Variants in GAB2 observed in about 807,000 individuals in gnomAD.
The protein encoded by GAB2 is GRB2 associated binding protein 2, also known as GRB2-associated-binding protein 2.
Under a neutral mutation model 65.5 loss-of-function variants are expected in GAB2, and 26 were observed. That is an observed-to-expected ratio of 0.40 (90% CI 0.29 to 0.55). The LOEUF is 0.55. GAB2 is among the 20% of genes least tolerant of loss of function. The probability of loss-of-function intolerance (pLI) is 0.53; values close to 1 mark genes in which losing one functional copy is unlikely to be tolerated. For missense variants in GAB2, 884 were observed against 875.8 expected, an observed-to-expected ratio of 1.01 and a Z score of -0.12; for synonymous variants, 321 against 329.6, an observed-to-expected ratio of 0.97 and a Z score of 0.28.
intron 1 of GAB2, among the ~76,000 whole-genome samples, chr11:78,327,616 G>T (rs1471415568): frequency 6.6e-6 from 1 of 152,242 alleles, no homozygotes; most frequent in South Asian, 2.1e-4. Flanking sequence ...GAAAACATGA[G>T]AATGAAAAGG....
At chr11:78,251,296 T>C (rs1865448806) in intron 2 of GAB2, among the ~76,000 whole-genome samples, 2 of 152,286 alleles carry the variant, frequency 1.3e-5, no homozygotes, top group African/African-American at 4.8e-5. Context: ...CTCCAGCTGC[T>C]CCTGCCTGGC....
At chr11:78,241,575 T>C (rs1865135921) in intron 3 of GAB2, among the ~76,000 whole-genome samples, 1 of 149,464 alleles carries the variant, frequency 6.7e-6, no homozygotes, top group Non-Finnish European at 1.5e-5. Flanking sequence ...GGAAAAAGAA[T>C]TCACAATATG....
At chr11:78,363,033 A>G (rs1419774059) in intron 1 of GAB2, among the ~76,000 whole-genome samples, 9 of 152,204 alleles carry the variant, frequency 5.9e-5, no homozygotes, top group Admixed American at 5.9e-4. Flanking sequence ...AGATTTTTAA[A>G]CAACCTCCCA....
intron 3 of GAB2, among the ~76,000 whole-genome samples, chr11:78,230,445 G>GT (rs1790527976): frequency 6.6e-6 from 1 of 152,158 alleles, no homozygotes; most frequent in African/African-American, 2.4e-5. Flanking sequence ...CTCTACAAAG[G>GT]TATTACAGGT....
chr11:78,240,524 T>C (rs1396259086), intron 3 of GAB2, among the ~76,000 whole-genome samples: 3 of 151,472 alleles, frequency 2.0e-5, no homozygotes, highest in Non-Finnish European at 4.4e-5. Context: ...CCCTGGGGAG[T>C]AGAGTCATTG....
intron 1 of GAB2, among the ~76,000 whole-genome samples, chr11:78,412,824 A>T (rs1857146167): frequency 6.6e-6 from 1 of 152,236 alleles, no homozygotes; most frequent in East Asian, 1.9e-4. Flanking sequence ...ACATTAAAAG[A>T]TCAATGGTCT....
chr11:78,417,759 AGGGCGC>A lies in GAB2; in HGVS notation c.-45_-40del. On this transcript the variant is annotated 5_prime_UTR_variant, in exon 1 of 10. Transcript: ENST00000361507. Reference sequence around the variant, plus strand: ...AGCCCCCCGCCGGGTCGCGCGGACGAGGGCGCGGGCTCGGGCAGCTGGGGCAGCGGC... The same window carrying A: ...AGCCCCCCGCCGGGTCGCGCGGACGAGGGCTCGGGCAGCTGGGGCAGCGGC... 1 of 1,126,620 alleles carries A rather than the reference AGGGCGC, an allele frequency of 8.9e-7. No individual in the cohort carries two copies. The highest frequency in any genetic ancestry group is 1.1e-6 in the Non-Finnish European group (1 of 903,398). The allele number at this position is 1,126,620 out of a possible 1,614,324, so 69.8% of individuals were successfully genotyped here.
intron 2 of GAB2, among the ~76,000 whole-genome samples, chr11:78,264,315 C>A (rs1865815274): frequency 6.6e-6 from 1 of 151,614 alleles, no homozygotes; most frequent in Non-Finnish European, 1.5e-5. Flanking sequence ...GTTTTATGTA[C>A]AGAGATCTAG....
chr11:78,376,568 T>C (rs1856633761), intron 1 of GAB2, among the ~76,000 whole-genome samples: 2 of 152,238 alleles, frequency 1.3e-5, no homozygotes, highest in Non-Finnish European at 2.9e-5. Flanking sequence ...GTTCAGTATA[T>C]GTGAAACTTG....
At chr11:78,387,415 T>TTA (rs1856782069) in intron 1 of GAB2, among the ~76,000 whole-genome samples, 3 of 152,198 alleles carry the variant, frequency 2.0e-5, no homozygotes, top group African/African-American at 7.2e-5. Flanking sequence ...CAAGCTAAAC[T>TTA]GACCATCACG....
chr11:78,342,818 T>C (rs1156818854), intron 1 of GAB2, among the ~76,000 whole-genome samples: 4 of 152,200 alleles, frequency 2.6e-5, no homozygotes, highest in African/African-American at 9.7e-5. Context: ...TAGTTCCTAG[T>C]ACAGAACATG....
At chr11:78,368,583 G>A (rs983608374) in intron 1 of GAB2, among the ~76,000 whole-genome samples, 6 of 151,858 alleles carry the variant, frequency 4.0e-5, no homozygotes, top group East Asian at 1.9e-4. Flanking sequence ...CATACTACAC[G>A]AAGGAAGAAT....
At chr11:78,231,336 GGTGTGTGTGTGTGTGTGTGTGT>G (rs58651538) in intron 3 of GAB2, among the ~76,000 whole-genome samples, 1 of 145,796 alleles carries the variant, frequency 6.9e-6, no homozygotes, top group Non-Finnish European at 1.5e-5. Context: ...GCGCGTGTGT[GGTGTGTGTGTGTGTGTGTGTGT>G]GTGTGTGTGT....
chr11:78,397,318 G>A (rs1024221205), intron 1 of GAB2, among the ~76,000 whole-genome samples: 5 of 152,148 alleles, frequency 3.3e-5, no homozygotes, highest in African/African-American at 1.2e-4. Context: ...AAGCACTAAT[G>A]AACCAATAAC....
chr11:78,347,247 ACATG>A (rs1856206658), intron 1 of GAB2, among the ~76,000 whole-genome samples: 1 of 152,162 alleles, frequency 6.6e-6, no homozygotes, highest in Non-Finnish European at 1.5e-5. Flanking sequence ...CTAGTTTCCA[ACATG>A]CTTGCTGTGG....
intron 1 of GAB2, among the ~76,000 whole-genome samples, chr11:78,404,064 A>G (rs1433151717): frequency 6.6e-6 from 1 of 152,208 alleles, no homozygotes; most frequent in African/African-American, 2.4e-5. Context: ...TCAAAAAACT[A>G]AAAATAGAAC....
intron 1 of GAB2, among the ~76,000 whole-genome samples, chr11:78,390,194 T>G (rs1319743156): frequency 6.6e-6 from 1 of 152,230 alleles, no homozygotes; most frequent in East Asian, 1.9e-4. Context: ...TTCCCTTGGT[T>G]TACAAAGGGT....
intron 1 of GAB2, among the ~76,000 whole-genome samples, chr11:78,288,641 T>C (rs1044032678): frequency 1.3e-5 from 2 of 152,216 alleles, no homozygotes; most frequent in African/African-American, 4.8e-5. Context: ...GTGCAGGGCA[T>C]GTATGCTAAA....
intron 1 of GAB2, among the ~76,000 whole-genome samples, chr11:78,357,934 C>T (rs773453269): frequency 7.2e-5 from 11 of 152,176 alleles, no homozygotes; most frequent in Non-Finnish European, 1.5e-4. Context: ...ATCCAGCCAT[C>T]CCATTACTGG....
Sources: allele counts gnomAD v4.1 joint callset (sites outside exome capture counted in the v4.1 genomes callset), GRCh38; gene constraint gnomAD v4.1.1; transcripts MANE v1.5; gene names NCBI Gene and HGNC (gene_info 2026-07-23, HGNC 2026-07-21).